The following MCTP1 variants were observed in gnomAD, a reference collection of about 807,000 sequenced individuals.
MCTP1 encodes multiple C2 and transmembrane domain-containing protein 1.
MCTP1 carries 69 observed loss-of-function variants against 120.6 expected under a neutral mutation model. The ratio of observed to expected loss-of-function variants is 0.57; its 90% CI spans 0.47 to 0.70. The LOEUF (loss-of-function observed/expected upper bound fraction) is 0.70, where lower values mean the gene tolerates loss of function less well. Ranked by LOEUF, MCTP1 falls within the 30% of genes least tolerant of loss-of-function variation. MCTP1 has a pLI of 0.00. For missense variants in MCTP1, 1,203 were observed against 1,248.8 expected (o/e 0.96, Z 0.55); for synonymous variants, 529 against 493.1 (o/e 1.07, Z -0.96).
intron 17 of MCTP1, among the ~76,000 whole-genome samples, chr5:94,862,159 T>C (rs1385496870): frequency 6.6e-6 from 1 of 151,884 alleles, no homozygotes; most frequent in Non-Finnish European, 1.5e-5. Context: ...TTCAAAATTA[T>C]AGCATTCTAC....
At chr5:95,264,459 A>T (rs1198436904) in intron 1 of MCTP1, among the ~76,000 whole-genome samples, 1 of 152,232 alleles carries the variant, frequency 6.6e-6, no homozygotes, top group Admixed American at 6.5e-5. Flanking sequence ...GCTTCAGACC[A>T]GCAGCTGAGT....
chr5:94,783,468 T>C (rs762686104), intron 18 of MCTP1, among the ~76,000 whole-genome samples: 2 of 152,036 alleles, frequency 1.3e-5, no homozygotes, highest in Admixed American at 6.6e-5. Context: ...GCAAGGAAAA[T>C]GTTATTTGAC....
intron 1 of MCTP1, among the ~76,000 whole-genome samples, chr5:95,195,704 G>T (rs994882603): frequency 6.6e-6 from 1 of 152,070 alleles, no homozygotes; most frequent in Admixed American, 6.6e-5. Context: ...ACACAGCAGA[G>T]AGGGGTATAA....
At chr5:94,990,428 T>C (rs1450479745) in intron 2 of MCTP1, among the ~76,000 whole-genome samples, 2 of 152,218 alleles carry the variant, frequency 1.3e-5, no homozygotes, top group Non-Finnish European at 2.9e-5. Context: ...TTCAGTTCTT[T>C]ACGGTTGTAG....
intron 2 of MCTP1, among the ~76,000 whole-genome samples, chr5:94,981,819 G>A (rs1829474411): frequency 6.6e-6 from 1 of 152,164 alleles, no homozygotes; most frequent in Non-Finnish European, 1.5e-5. Flanking sequence ...GGCCTAGAAA[G>A]TGAATGAAAG....
intron 1 of MCTP1, among the ~76,000 whole-genome samples, chr5:95,219,632 C>T (rs532965923): frequency 6.6e-6 from 1 of 152,278 alleles, no homozygotes; most frequent in African/African-American, 2.4e-5. Context: ...GTGGACCACA[C>T]AGAGCCATCC....
At chr5:94,955,157 G>A (rs1023636887) in intron 2 of MCTP1, among the ~76,000 whole-genome samples, 1 of 152,158 alleles carries the variant, frequency 6.6e-6, no homozygotes, top group African/African-American at 2.4e-5. Flanking sequence ...CCCAGGAAGT[G>A]CAAGGGTTCG....
intron 1 of MCTP1, among the ~76,000 whole-genome samples, chr5:95,132,404 A>G (rs865898740): frequency 6.6e-6 from 1 of 152,254 alleles, no homozygotes; most frequent in East Asian, 1.9e-4. Flanking sequence ...TCACAGGGCT[A>G]TCTTTTACAA....
chr5:94,997,274 C>T (rs986542055), intron 2 of MCTP1, among the ~76,000 whole-genome samples: 3 of 152,160 alleles, frequency 2.0e-5, no homozygotes, highest in Admixed American at 6.6e-5. Flanking sequence ...TAGGAAAGAG[C>T]TCTTTCTGGA....
intron 17 of MCTP1, among the ~76,000 whole-genome samples, chr5:94,863,080 A>G (rs2153234295): frequency 6.6e-6 from 1 of 151,944 alleles, no homozygotes; most frequent in Non-Finnish European, 1.5e-5. Flanking sequence ...TTAAATTGGA[A>G]GTATTGTTTA....
At chr5:94,985,774 C>T (rs1025942379) in intron 2 of MCTP1, among the ~76,000 whole-genome samples, 4 of 152,130 alleles carry the variant, frequency 2.6e-5, no homozygotes, top group Admixed American at 6.6e-5. Flanking sequence ...TAGTTGCTGC[C>T]ATTCTGCAGA....
intron 19 of MCTP1, among the ~76,000 whole-genome samples, chr5:94,749,290 T>C (rs1321901102): frequency 6.6e-6 from 1 of 152,182 alleles, no homozygotes; most frequent in African/African-American, 2.4e-5. Context: ...TTAGGTGGTA[T>C]CCCCTGGCAC....
At chr5:95,270,235 G>A (rs1759254271) in intron 1 of MCTP1, among the ~76,000 whole-genome samples, 1 of 152,112 alleles carries the variant, frequency 6.6e-6, no homozygotes, top group Non-Finnish European at 1.5e-5. Context: ...ACTTCAGGCA[G>A]CCTATTCTGT....
rs372070183 is a variant in MCTP1 at position 94,845,733 on chromosome 5, G to A, written c.2436+22600C>T. On this transcript the variant is annotated intron_variant, in intron 17 of 22. Coordinates refer to ENST00000515393, the MANE Select transcript of MCTP1 (RefSeq NM_024717.7). ...GCCCAGCTAATTTTTGTATTTTTTT[G>A]TAGAGACAGGGTTTTGCTATGTTGC... Among the ~76,000 whole-genome samples, 189 of 152,040 alleles carry A rather than the reference G, an allele frequency of 1.2e-3. 2 individuals carry two copies. Among genetic ancestry groups the A allele is most frequent in the African/African-American group, 4.3e-3 (177 of 41,470 alleles).
chr5:95,241,182 C>T (rs1222853015), intron 1 of MCTP1, among the ~76,000 whole-genome samples: 5 of 152,012 alleles, frequency 3.3e-5, no homozygotes, highest in Non-Finnish European at 5.9e-5. Context: ...TTTAATTAGC[C>T]AAATATCTTC....
chr5:95,132,661 C>T (rs1045278951), intron 1 of MCTP1, among the ~76,000 whole-genome samples: 6 of 152,150 alleles, frequency 3.9e-5, no homozygotes, highest in Admixed American at 2.6e-4. Context: ...GTGTGCTGTC[C>T]CCCCACTGTC....
At chr5:94,713,922 A>T (rs1239275091) in intron 20 of MCTP1, among the ~76,000 whole-genome samples, 2 of 148,622 alleles carry the variant, frequency 1.3e-5, no homozygotes, top group Non-Finnish European at 2.9e-5. Flanking sequence ...TATGAATAAC[A>T]AACAATGAAG....
At chr5:94,710,792 G>A in intron 21 of MCTP1, 26 bp downstream of exon 21, 3 of 1,455,838 alleles carry the variant, frequency 2.1e-6, no homozygotes, top group Non-Finnish European at 2.9e-6. Context: ...AAGACAGTTT[G>A]GGGGAGTGGG....
intron 1 of MCTP1, among the ~76,000 whole-genome samples, chr5:95,135,924 A>C (rs1759414595): frequency 6.6e-6 from 1 of 152,256 alleles, no homozygotes; most frequent in African/African-American, 2.4e-5. Flanking sequence ...TAAACATTAT[A>C]CATTTCAGAG....
Sources: allele counts gnomAD v4.1 joint callset (sites outside exome capture counted in the v4.1 genomes callset), GRCh38; gene constraint gnomAD v4.1.1; transcripts MANE v1.5; gene names NCBI Gene and HGNC (gene_info 2026-07-23, HGNC 2026-07-21).